Variants in VPS13A observed in about 807,000 individuals in gnomAD.
VPS13A encodes the protein vacuolar protein sorting 13 homolog A, also known as intermembrane lipid transfer protein VPS13A.
VPS13A carries 264 observed loss-of-function variants against 390.9 expected under a neutral mutation model. That is an observed-to-expected ratio of 0.68 (90% confidence interval 0.61 to 0.75). The LOEUF (loss-of-function observed/expected upper bound fraction) is 0.75. Among genes scored for constraint, VPS13A ranks in the 30% least tolerant of loss-of-function variants. The pLI, the probability that VPS13A is intolerant of heterozygous loss-of-function variation, is 0.00. For synonymous variants in VPS13A, 1,231 were observed against 1,227.1 expected (o/e 1.00, Z -0.07); for missense variants, 3,409 against 3,733.9 (o/e 0.91, Z 2.27).
intron 32 of VPS13A, among the ~76,000 whole-genome samples, chr9:77,295,090 A>G (rs1166178731): frequency 2.0e-5 from 3 of 152,010 alleles, no homozygotes; most frequent in African/African-American, 7.2e-5. Flanking sequence ...AAGAGTATAA[A>G]TATAGATAAT....
intron 1 of VPS13A, among the ~76,000 whole-genome samples, chr9:77,188,740 C>T (rs941958507): frequency 9.9e-5 from 15 of 152,212 alleles, no homozygotes; most frequent in African/African-American, 3.1e-4. Context: ...TACATTCCCA[C>T]CAGCAGTGTG....
At chr9:77,377,360 C>T (rs1031588570) in intron 67 of VPS13A, among the ~76,000 whole-genome samples, 11 of 151,660 alleles carry the variant, frequency 7.3e-5, no homozygotes, top group African/African-American at 2.7e-4. Flanking sequence ...GCTGGGACTA[C>T]AGGCGCCCGC....
chr9:77,408,733 CAG>C lies in VPS13A; in HGVS notation c.9474+1131_9474+1132del, dbSNP rs1235926950. Among the ~76,000 whole-genome samples, 4 of 152,314 alleles carry C rather than the reference CAG, an allele frequency of 2.6e-5. No individual in the cohort carries two copies. The East Asian group carries it at 7.7e-4, about 29-fold the overall frequency. The stretch of plus-strand genomic sequence containing the variant: ...AGTCTGAGATCAAAGTGCAAGGCAG[CAG>C]AGAGGCTGGGGGAGGGGCGCCCGCC... On this transcript the variant is annotated intron_variant, in intron 71 of 71. Coordinates refer to ENST00000360280, the MANE Select transcript of VPS13A (RefSeq NM_033305.3).
chr9:77,397,278 C>T (rs544879727), intron 68 of VPS13A, among the ~76,000 whole-genome samples: 5 of 152,146 alleles, frequency 3.3e-5, no homozygotes, highest in African/African-American at 7.2e-5. Flanking sequence ...TGTGAGCCAC[C>T]GTGTCTGGCT....
chr9:77,252,238 A>G lies in VPS13A; in HGVS notation c.2174A>G (p.Asp725Gly). 3 of 1,610,376 alleles carry G rather than the reference A, an allele frequency of 1.9e-6. No homozygotes were observed. The highest frequency in any genetic ancestry group is 2.5e-6 in the Non-Finnish European group (3 of 1,176,618). Residue 725 changes from aspartate to glycine, a missense_variant, in exon 22 of 72, where the codon GAT becomes GGT. Physicochemically the swap from Asp to Gly is moderately conservative, Grantham distance 94. Coordinates refer to ENST00000360280, the MANE Select transcript of VPS13A (RefSeq NM_033305.3). ...ATGAACTATTTTCTGTACTTAGGTG[A>G]TAATTGGAGAGAAGCACGAAAACTC... ...SVQLLYSRVGDNWREARKLSV... is the reference protein window; with the variant it reads ...SVQLLYSRVGGNWREARKLSV...
chr9:77,323,411 G>T (rs1213497434), intron 45 of VPS13A, among the ~76,000 whole-genome samples, 184 bp downstream of exon 45: 1 of 152,024 alleles, frequency 6.6e-6, no homozygotes. Flanking sequence ...GTAGGAATTT[G>T]TTCAATATAC....
chr9:77,266,924 C>G (rs1310473953), intron 23 of VPS13A, among the ~76,000 whole-genome samples: 6 of 151,992 alleles, frequency 3.9e-5, no homozygotes. Context: ...TCTTCAATCT[C>G]TGATATCCTT....
At chr9:77,394,342 T>C (rs550491348) in intron 68 of VPS13A, among the ~76,000 whole-genome samples, 6 of 152,148 alleles carry the variant, frequency 3.9e-5, no homozygotes, top group Middle Eastern at 3.4e-3. Flanking sequence ...GCTGGAATTA[T>C]ACACGTGAGA....
At chr9:77,286,091 G>C (rs759597598) in intron 31 of VPS13A, among the ~76,000 whole-genome samples, 1 of 152,190 alleles carries the variant, frequency 6.6e-6, no homozygotes, top group African/African-American at 2.4e-5. Context: ...GTTTTCATAG[G>C]AGGCACATAG....
Position 77,370,947 on chromosome 9 carries a change from A to G in VPS13A, c.8953+12A>G. On this transcript the variant is annotated intron_variant, in intron 66 of 71. Transcript: ENST00000360280. ...AAAACCAATCAAAGGCAAGTATAGT[A>G]GTTCCTTTGCAAGTCTTTCTAAGTT... is the stretch of plus-strand genomic sequence containing the variant. 1 of 1,614,112 alleles carries G rather than the reference A, an allele frequency of 6.2e-7. No homozygotes were observed. Among genetic ancestry groups the G allele is most frequent in the Non-Finnish European group, 8.5e-7 (1 of 1,179,994 alleles).
intron 45 of VPS13A, among the ~76,000 whole-genome samples, chr9:77,324,493 AGAG>A: frequency 6.6e-6 from 1 of 152,260 alleles, no homozygotes; most frequent in Non-Finnish European, 1.5e-5. Context: ...TTTCTGTACA[AGAG>A]GAGGATATAT....
chr9:77,359,285 C>T (rs554914623), intron 57 of VPS13A, 48 bp from the exon 58 acceptor site: 1 of 1,517,746 alleles, frequency 6.6e-7, no homozygotes, highest in African/African-American at 1.4e-5. Flanking sequence ...AAATGCCTAG[C>T]TTTTGCTTAA....
rs1453912435 is a variant in VPS13A at position 77,345,099 on chromosome 9, T to G, written c.7246T>G (p.Leu2416Val). The G allele has an allele frequency of 6.2e-6, 10 of 1,613,294 alleles. No homozygotes were observed. The highest frequency in any genetic ancestry group is 8.5e-6 in the Non-Finnish European group (10 of 1,179,814). Residue 2416 changes from leucine (L) to valine (V), a missense_variant, in exon 52 of 72, where the codon TTA becomes GTA. By Grantham distance (32) the Leu-to-Val change is conservative. Coordinates refer to ENST00000360280, the MANE Select transcript of VPS13A (RefSeq NM_033305.3). ...DYHDGAATFL[L>V]INHTKNELVQ... ...TCATGATGGAGCAGCTACATTCCTC[T>G]TAATAAATCACACAAAGAATGAACT...
At chr9:77,302,837 G>T in intron 33 of VPS13A, 78 bp from the exon 34 acceptor site, 5 of 1,428,562 alleles carry the variant, frequency 3.5e-6, no homozygotes, top group Non-Finnish European at 3.9e-6. Context: ...CATATAAAAG[G>T]ATAAATTTAA....
chr9:77,404,600 G>C (rs1834515825), intron 69 of VPS13A, among the ~76,000 whole-genome samples: 1 of 152,186 alleles, frequency 6.6e-6, no homozygotes, highest in Non-Finnish European at 1.5e-5. Flanking sequence ...GCAAAGTTTG[G>C]TTCCAAATCT....
At chr9:77,194,786 C>T (rs1453331349) in intron 1 of VPS13A, among the ~76,000 whole-genome samples, 1 of 152,072 alleles carries the variant, frequency 6.6e-6, no homozygotes, top group Non-Finnish European at 1.5e-5. Context: ...TCCGCATCCT[C>T]CTTCTGTTCA....
At chr9:77,213,136 CTG>C in intron 8 of VPS13A, 96 bp from the exon 9 acceptor site, 1 of 1,535,668 alleles carries the variant, frequency 6.5e-7, no homozygotes, top group Non-Finnish European at 9.0e-7. Context: ...TTGTTTAACT[CTG>C]TGATATGGCT....
At chr9:77,275,373 C>T in intron 24 of VPS13A, 125 bp from the exon 25 acceptor site, 1 of 931,120 alleles carries the variant, frequency 1.1e-6, no homozygotes, top group South Asian at 1.6e-5. Context: ...TATTTCGGTT[C>T]TCATGTTAAT....
At position 77,197,081 on chromosome 9, in the gene VPS13A, C is replaced by T. The variant is rs970861231; in HGVS notation, c.101-2864C>T. Among the ~76,000 whole-genome samples, 4 of 152,024 alleles carry T rather than the reference C, an allele frequency of 2.6e-5. No homozygotes were observed. The South Asian group carries it at 6.2e-4, about 24-fold the overall frequency. On this transcript the variant is annotated intron_variant, in intron 1 of 71. Coordinates refer to ENST00000360280, the MANE Select transcript of VPS13A (RefSeq NM_033305.3). Reference sequence around the variant, plus strand: ...TCTTGTGGTTTTGATTTTTATTTATCTGATGATGGGTGATGCTGAGCCTTT... The same window carrying T: ...TCTTGTGGTTTTGATTTTTATTTATTTGATGATGGGTGATGCTGAGCCTTT...
Sources: gnomAD v4.1 joint callset for allele counts (sites outside exome capture counted in the v4.1 genomes callset) on GRCh38, gnomAD v4.1.1 for gene constraint, MANE v1.5 for transcripts, NCBI Gene and HGNC (gene_info 2026-07-23, HGNC 2026-07-21) for gene names.